FBLN1: variants seen among roughly 807,000 people sequenced by gnomAD.
FBLN1 encodes the protein fibulin-1.
FBLN1 carries 34 observed loss-of-function variants against 89.7 expected under a neutral mutation model. That is an observed-to-expected ratio of 0.38 (90% CI 0.29 to 0.50). The LOEUF is 0.50. Among genes scored for constraint, FBLN1 ranks in the 20% least tolerant of loss-of-function variants. The probability of loss-of-function intolerance (pLI) is 0.92; values close to 1 mark genes in which losing one functional copy is unlikely to be tolerated. For synonymous variants in FBLN1, 393 were observed against 391.3 expected (o/e 1.00, Z -0.05); for missense variants, 777 against 988.1 (o/e 0.79, Z 2.86).
intron 14 of FBLN1, among the ~76,000 whole-genome samples, chr22:45,551,777 G>T (rs768448494): frequency 1.1e-4 from 16 of 152,236 alleles, no homozygotes; most frequent in Non-Finnish European, 1.6e-4. Context: ...AAGAAAGTTC[G>T]ATGGCCTTGG....
In FBLN1 at chr22:45,561,127, T is replaced by C. The variant is rs2088846160; in HGVS notation, c.1697+10512T>C. On this transcript the variant is annotated intron_variant, in intron 14 of 16. Coordinates refer to ENST00000327858, the MANE Select transcript of FBLN1 (RefSeq NM_006486.3). This position sits in a 1 kb window ranked among gnomAD's most constrained non-coding sequence, Gnocchi z 4.7. ...CATTCCAAGTTGCAGGGTCCCATTC[T>C]TTTTCAATCAATGCCCTCACTTTAA... Among the ~76,000 whole-genome samples, 1 of 152,212 alleles carries C rather than the reference T, an allele frequency of 6.6e-6. No individual in the cohort carries two copies. Among genetic ancestry groups the C allele is most frequent in the Non-Finnish European group, 1.5e-5 (1 of 68,040 alleles).
At chr22:45,503,379 T>G in intron 1 of FBLN1, 3 of 187,080 alleles carry the variant, frequency 1.6e-5, no homozygotes, top group East Asian at 1.2e-4. Flanking sequence ...TCAGGGGCGC[T>G]AGCTGGGCTG....
chr22:45,547,413 T>G (rs1029083170), intron 12 of FBLN1, among the ~76,000 whole-genome samples: 5 of 101,166 alleles, frequency 4.9e-5, no homozygotes, highest in Non-Finnish European at 8.6e-5. Flanking sequence ...TTTTTTTTTT[T>G]GAGACACGGT....
chr22:45,600,830 CACT>C lies in FBLN1; in HGVS notation c.*385_*387del. ...GATTGTATGAAATTTGACATTTTGG[CACT>C]TTTTTTTTTTTTTTGGCCAATCAGA... On this transcript the variant is annotated 3_prime_UTR_variant, in exon 17 of 17. Coordinates refer to ENST00000327858, the MANE Select transcript of FBLN1 (RefSeq NM_006486.3). 3.4e-6 allele frequency: 1 copy of C among 294,242 alleles called. No individual in the cohort carries two copies. Among genetic ancestry groups the C allele is most frequent in the African/African-American group, 2.3e-5 (1 of 44,254 alleles). 18.2% of individuals were successfully genotyped at this position (294,242 alleles called of 1,614,324 possible).
chr22:45,517,942 C>G (rs534097788), intron 1 of FBLN1, among the ~76,000 whole-genome samples: 1 of 152,166 alleles, frequency 6.6e-6, no homozygotes, highest in South Asian at 2.1e-4. Flanking sequence ...ACCAGCCTAG[C>G]CAACATGGTG....
At chr22:45,509,471 A>G (rs1473118284) in intron 1 of FBLN1, among the ~76,000 whole-genome samples, 3 of 152,174 alleles carry the variant, frequency 2.0e-5, no homozygotes, top group Non-Finnish European at 4.4e-5. Context: ...GGATGGGGCC[A>G]GGAGCCCTAA....
At chr22:45,505,225 C>A (rs1043380356) in intron 1 of FBLN1, among the ~76,000 whole-genome samples, 2 of 152,202 alleles carry the variant, frequency 1.3e-5, no homozygotes, top group African/African-American at 4.8e-5. Flanking sequence ...TAGGAAAAGA[C>A]GATTGTGTTT....
Position 45,578,971 on chromosome 22 carries a change from A to G in FBLN1, c.1972+1863A>G, listed in dbSNP as rs557922663. Among the ~76,000 whole-genome samples the G allele has an allele frequency of 3.2e-4, 49 of 152,352 alleles. No homozygotes were observed. Among genetic ancestry groups the G allele is most frequent in the African/African-American group, 1.0e-3 (43 of 41,582 alleles). The stretch of plus-strand genomic sequence containing the variant: ...AGAAGCCACCCCGTATCAGATCATC[A>G]AAATATGATGCCGAAATAGGCATGC... On this transcript the variant is annotated intron_variant, in intron 16 of 16. Coordinates refer to ENST00000327858, the MANE Select transcript of FBLN1 (RefSeq NM_006486.3). This position sits in a 1 kb window ranked among gnomAD's most constrained non-coding sequence, Gnocchi z 4.6.
At chr22:45,519,033 C>CT (rs1327321729) in intron 2 of FBLN1, among the ~76,000 whole-genome samples, 2 of 131,850 alleles carry the variant, frequency 1.5e-5, no homozygotes, top group Non-Finnish European at 3.2e-5. Flanking sequence ...TTTCACTGGG[C>CT]TGGGAGCAAG....
chr22:45,596,433 G>A (rs1003829862), intron 16 of FBLN1, among the ~76,000 whole-genome samples: 14 of 152,078 alleles, frequency 9.2e-5, no homozygotes, highest in African/African-American at 3.4e-4. Flanking sequence ...CCAGTGCCAG[G>A]CACACGTAGC....
At position 45,550,909 on chromosome 22, in the gene FBLN1, C is replaced by A; in HGVS notation, c.1697+294C>A. On this transcript the variant is annotated intron_variant, in intron 14 of 16. Coordinates refer to ENST00000327858, the MANE Select transcript of FBLN1 (RefSeq NM_006486.3). The surrounding 1 kb of genome is among the most constrained non-coding windows in gnomAD (Gnocchi z 8.4). Reference sequence around the variant, plus strand: ...GCCCTCTTTTTTCCTAGGGTGGAAGCCTTGGGCAAGCTCTCTGGGCCTCAG... The same window carrying A: ...GCCCTCTTTTTTCCTAGGGTGGAAGACTTGGGCAAGCTCTCTGGGCCTCAG... 2.1e-6 allele frequency: 1 copy of A among 480,722 alleles called. No homozygotes were observed. The highest frequency in any genetic ancestry group is 3.8e-6 in the Non-Finnish European group (1 of 261,462). The allele number at this position is 480,722 out of a possible 1,614,324, so 29.8% of individuals were successfully genotyped here.
Position 45,537,754 on chromosome 22 carries a change from G to A in FBLN1, c.922+2417G>A, listed in dbSNP as rs1050478767. Among the ~76,000 whole-genome samples, 4 of 152,204 alleles carry A rather than the reference G, an allele frequency of 2.6e-5. No individual in the cohort carries two copies. The highest frequency in any genetic ancestry group is 5.9e-5 in the Non-Finnish European group (4 of 68,038). The stretch of plus-strand genomic sequence containing the variant: ...CTGGGGGAGACTTCTGAGCTGGGGC[G>A]CTGTGGCTCAGCTGCCAGTTGGCCC... On this transcript the variant is annotated intron_variant, in intron 8 of 16. Transcript: ENST00000327858. This position sits in a 1 kb window ranked among gnomAD's most constrained non-coding sequence, Gnocchi z 5.7.
chr22:45,571,847 C>T (rs1474076608), intron 14 of FBLN1, among the ~76,000 whole-genome samples: 1 of 152,104 alleles, frequency 6.6e-6, no homozygotes, highest in East Asian at 1.9e-4. Context: ...AAAACAAAAA[C>T]AGGCCAGGCG....
chr22:45,527,858 T>C lies in FBLN1; in HGVS notation c.333T>C (p.His111=). 1.2e-6 allele frequency: 2 copies of C among 1,614,038 alleles called. No individual in the cohort carries two copies. The highest frequency in any genetic ancestry group is 2.2e-5 in the East Asian group (1 of 44,866). ...LEATFVKRCC[H]CCLLGRAAQA... ...ACCTGTGTTTGCAGAGGTGCTGCCATTGCTGTCTGCTGGGGAGGGCGGCCC... is the reference window on the plus strand; with the variant it reads ...ACCTGTGTTTGCAGAGGTGCTGCCACTGCTGTCTGCTGGGGAGGGCGGCCC... Residue 111 remains histidine (H), a synonymous_variant, in exon 4 of 17, where the codon CAT becomes CAC. Coordinates refer to ENST00000327858, the MANE Select transcript of FBLN1 (RefSeq NM_006486.3).
rs557948333 is a variant in FBLN1, at chr22:45,599,234, G to C, written c.1973-1073G>C. 5.9e-5 allele frequency among the ~76,000 whole-genome samples: 9 copies of C among 152,292 alleles called. No individual in the cohort carries two copies. In the South Asian group the frequency reaches 1.9e-3, roughly 32 times the overall value. On this transcript the variant is annotated intron_variant, in intron 16 of 16. Coordinates refer to ENST00000327858, the MANE Select transcript of FBLN1 (RefSeq NM_006486.3). Reference sequence around the variant, plus strand: ...CAGGCAGAGCTCCCTGCAACCCCCAGCTGTTTCCCCAGAACTGACACCAGT... The same window carrying C: ...CAGGCAGAGCTCCCTGCAACCCCCACCTGTTTCCCCAGAACTGACACCAGT...
At chr22:45,586,354 A>G (rs762786095) in intron 16 of FBLN1, among the ~76,000 whole-genome samples, 1 of 152,094 alleles carries the variant, frequency 6.6e-6, no homozygotes, top group Non-Finnish European at 1.5e-5. Flanking sequence ...GGGAGAGGGG[A>G]CTGTCTTGCC....
At chr22:45,513,669 A>G (rs2088132023) in intron 1 of FBLN1, among the ~76,000 whole-genome samples, 1 of 152,098 alleles carries the variant, frequency 6.6e-6, no homozygotes, top group Non-Finnish European at 1.5e-5. Flanking sequence ...GCACCCACCC[A>G]TCCTTTTCCT....
Position 45,536,275 on chromosome 22 carries a change from G to A in FBLN1, c.922+938G>A, listed in dbSNP as rs1345768967. On this transcript the variant is annotated intron_variant, in intron 8 of 16. Coordinates refer to ENST00000327858, the MANE Select transcript of FBLN1 (RefSeq NM_006486.3). This position sits in a 1 kb window ranked among gnomAD's most constrained non-coding sequence, Gnocchi z 5.1. ...AAGGTGCCGGGGCTGGGCAGGGTGG[G>A]GGATGGGGAGTGAGTGTTTCCTGGG... Among the ~76,000 whole-genome samples the A allele has an allele frequency of 6.6e-6, 1 of 152,216 alleles. No individual in the cohort carries two copies. The highest frequency in any genetic ancestry group is 2.4e-5 in the African/African-American group (1 of 41,454).
intron 16 of FBLN1, among the ~76,000 whole-genome samples, chr22:45,582,667 G>T (rs1368644157): frequency 3.3e-5 from 5 of 152,220 alleles, no homozygotes; most frequent in Non-Finnish European, 7.3e-5. Context: ...TGGGGCAGGA[G>T]CTTCACGGCT....
Sources: allele counts gnomAD v4.1 joint callset (sites outside exome capture counted in the v4.1 genomes callset), GRCh38; gene constraint gnomAD v4.1.1; non-coding constraint Gnocchi (gnomAD v3.1); transcripts MANE v1.5; gene names NCBI Gene and HGNC (gene_info 2026-07-23, HGNC 2026-07-21).